The following POF1B variants were observed in gnomAD, a reference collection of about 807,000 sequenced individuals.
The protein encoded by POF1B is protein POF1B.
In POF1B, 53 loss-of-function variants were observed where a neutral mutation model predicts 55.3. The ratio of observed to expected loss-of-function variants is 0.96; its 90% CI spans 0.77 to 1.20. The LOEUF is 1.20. Among genes scored for constraint, POF1B ranks in the 50% most tolerant of loss-of-function variants. POF1B has a pLI of 0.00. For synonymous variants in POF1B, 188 were observed against 148.3 expected (o/e 1.27, Z -1.95); for missense variants, 478 against 420.5 (o/e 1.14, Z -1.20).
intron 15 of POF1B, among the ~76,000 whole-genome samples, chrX:85,294,593 T>C (rs1420749662): frequency 8.9e-6 from 1 of 112,236 alleles, no homozygotes; most frequent in Non-Finnish European, 1.9e-5. Context: ...ATTAACTTTT[T>C]GTTGTACTGC....
intron 15 of POF1B, among the ~76,000 whole-genome samples, chrX:85,287,993 C>T (rs1053029036): frequency 5.4e-5 from 6 of 111,366 alleles, no homozygotes; most frequent in South Asian, 7.4e-4. Context: ...AACTTATGTT[C>T]GGGTTTGGGA....
chrX:85,307,113 A>C, intron 11 of POF1B, 50 bp downstream of exon 11: 1 of 914,388 alleles, frequency 1.1e-6, no homozygotes, highest in South Asian at 2.2e-5. Context: ...GTAATTGTGC[A>C]TATGAAAAGC....
chrX:85,319,290 G>A (rs1261305242), intron 7 of POF1B, among the ~76,000 whole-genome samples: 1 of 111,223 alleles, frequency 9.0e-6, no homozygotes, highest in East Asian at 2.8e-4. Flanking sequence ...GAGTTTTCTA[G>A]GTATAGAATC....
intron 7 of POF1B, among the ~76,000 whole-genome samples, chrX:85,316,081 A>T (rs1191511516): frequency 1.8e-5 from 2 of 111,302 alleles, no homozygotes; most frequent in Non-Finnish European, 3.8e-5. Context: ...GAACAAGAAA[A>T]ATAGCCTTTA....
chrX:85,372,216 C>T, intron 2 of POF1B, among the ~76,000 whole-genome samples: 1 of 109,066 alleles, frequency 9.2e-6, no homozygotes, highest in East Asian at 2.9e-4. Flanking sequence ...TGGTGGCGGG[C>T]GCCTATATTC....
intron 5 of POF1B, among the ~76,000 whole-genome samples, chrX:85,349,359 A>T (rs956658619): frequency 7.2e-5 from 8 of 111,384 alleles, no homozygotes; most frequent in African/African-American, 2.6e-4. Flanking sequence ...CATATGAAAA[A>T]AATGATTTTG....
At chrX:85,302,036 T>G (rs1320359798) in intron 15 of POF1B, among the ~76,000 whole-genome samples, 1 of 111,718 alleles carries the variant, frequency 9.0e-6, no homozygotes, top group East Asian at 2.8e-4. Flanking sequence ...TTTATGATCT[T>G]GGGTTAGTCA....
chrX:85,326,744 G>A (rs950110189), intron 7 of POF1B, among the ~76,000 whole-genome samples: 2 of 109,464 alleles, frequency 1.8e-5, no homozygotes, highest in Non-Finnish European at 3.8e-5. Context: ...GGAGGCTGTT[G>A]TGGGGAGGAC....
rs1933313490 is a variant in POF1B at position 85,348,440 on chromosome X, C to G, written c.541-2398G>C. On this transcript the variant is annotated intron_variant, in intron 5 of 16. Transcript: ENST00000262753. ...GATAGTTATCTTGCACCTGGCACCA[C>G]TTTACCACCCTTCCAACACAAAGAT... Among the ~76,000 whole-genome samples the G allele has an allele frequency of 4.5e-5, 5 of 110,744 alleles. No individual in the cohort carries two copies. The South Asian group carries it at 1.9e-3, about 42-fold the overall frequency.
At chrX:85,316,083 T>C (rs568961490) in intron 7 of POF1B, among the ~76,000 whole-genome samples, 3 of 111,216 alleles carry the variant, frequency 2.7e-5, no homozygotes, top group South Asian at 7.5e-4. Context: ...ACAAGAAAAA[T>C]AGCCTTTATC....
intron 2 of POF1B, among the ~76,000 whole-genome samples, chrX:85,376,617 TTTAA>T (rs760955714): frequency 1.7e-4 from 19 of 111,402 alleles, no homozygotes; most frequent in African/African-American, 6.2e-4. Context: ...AAAATATATG[TTTAA>T]TTAAAGAAAC....
intron 2 of POF1B, among the ~76,000 whole-genome samples, chrX:85,370,394 T>G (rs753409730): frequency 8.9e-6 from 1 of 111,847 alleles, no homozygotes; most frequent in Admixed American, 9.5e-5. Flanking sequence ...TAGACAAATG[T>G]GGCTTTCCCA....
chrX:85,325,738 A>G (rs765169316), intron 7 of POF1B, among the ~76,000 whole-genome samples: 37 of 112,152 alleles, frequency 3.3e-4, no homozygotes, highest in Middle Eastern at 4.6e-3. Flanking sequence ...CTTTTGAGGT[A>G]GGAAGGCACT....
At chrX:85,324,117 T>C (rs1296175572) in intron 7 of POF1B, among the ~76,000 whole-genome samples, 1 of 112,147 alleles carries the variant, frequency 8.9e-6, no homozygotes, top group Non-Finnish European at 1.9e-5. Context: ...TATTTGCTGA[T>C]GATTGCTTTA....
chrX:85,332,246 C>T (rs957018127), intron 6 of POF1B, among the ~76,000 whole-genome samples: 6 of 111,402 alleles, frequency 5.4e-5, no homozygotes, highest in African/African-American at 1.3e-4. Context: ...TGACTTCCCC[C>T]GTTTATTATT....
chrX:85,314,786 C>T (rs1030723195), intron 8 of POF1B, among the ~76,000 whole-genome samples: 4 of 111,669 alleles, frequency 3.6e-5, no homozygotes, highest in South Asian at 7.3e-4. Context: ...TTTAAAAAGA[C>T]GAAATTAAAA....
At position 85,279,408 on chromosome X, in the gene POF1B, A is replaced by C; in HGVS notation, c.*13T>G. ...AAACGGCTTTGAGTTGTAATACTTTAAAGTGGATCCATTCATGGCTAGAAA... is the reference window on the plus strand; with the variant it reads ...AAACGGCTTTGAGTTGTAATACTTTCAAGTGGATCCATTCATGGCTAGAAA... On this transcript the variant is annotated 3_prime_UTR_variant, in exon 17 of 17. Coordinates refer to ENST00000262753, the MANE Select transcript of POF1B (RefSeq NM_024921.4). The C allele has an allele frequency of 8.4e-7, 1 of 1,187,414 alleles. No individual in the cohort carries two copies. Among genetic ancestry groups the C allele is most frequent in the Non-Finnish European group, 1.1e-6 (1 of 875,952 alleles).
chrX:85,308,749 T>C (rs1029995303), intron 9 of POF1B, among the ~76,000 whole-genome samples: 1 of 111,508 alleles, frequency 9.0e-6, no homozygotes, highest in Admixed American at 9.5e-5. Flanking sequence ...ATGATCTCAG[T>C]TCACTGCAAT....
At chrX:85,337,890 C>A (rs764573822) in intron 6 of POF1B, among the ~76,000 whole-genome samples, 1 of 111,278 alleles carries the variant, frequency 9.0e-6, no homozygotes, top group African/African-American at 3.3e-5. Flanking sequence ...CAGAAGGCAT[C>A]AAATAAAATT....
Sources: allele counts gnomAD v4.1 joint callset (sites outside exome capture counted in the v4.1 genomes callset), GRCh38; gene constraint gnomAD v4.1.1; transcripts MANE v1.5; gene names NCBI Gene and HGNC (gene_info 2026-07-23, HGNC 2026-07-21).